ARB2A: variants seen among roughly 807,000 people sequenced by gnomAD.
ARB2A encodes cotranscriptional regulator ARB2A.
chr5:93,656,945 C>T, the ARB2A span, among the ~76,000 whole-genome samples: 14 of 152,158 alleles, frequency 9.2e-5, no homozygotes, highest in South Asian at 4.1e-4. Context: ...GCTGTCCTCA[C>T]TCCCCACCAG....
At chr5:94,056,385 C>G in the ARB2A span, among the ~76,000 whole-genome samples, 2 of 152,072 alleles carry the variant, frequency 1.3e-5, no homozygotes, top group Non-Finnish European at 2.9e-5. Context: ...CAGAAAGGAA[C>G]TGTCAGAAAT....
the ARB2A span, among the ~76,000 whole-genome samples, chr5:93,838,401 G>A: frequency 1.3e-5 from 2 of 152,064 alleles, no homozygotes; most frequent in Non-Finnish European, 2.9e-5. Context: ...GGTTACTATA[G>A]CCTTGCAGTA....
chr5:94,009,049 T>G, the ARB2A span, among the ~76,000 whole-genome samples: 1 of 152,144 alleles, frequency 6.6e-6, no homozygotes, highest in Non-Finnish European at 1.5e-5. Flanking sequence ...AATAAACTAA[T>G]TTGATTTCTG....
chr5:93,800,488 G>A, the ARB2A span, among the ~76,000 whole-genome samples: 1 of 151,558 alleles, frequency 6.6e-6, no homozygotes, highest in Admixed American at 6.6e-5. Flanking sequence ...GTTCTGGCAT[G>A]TTTAATTAAT....
the ARB2A span, among the ~76,000 whole-genome samples, chr5:93,760,932 G>A: frequency 1.3e-4 from 20 of 152,288 alleles, no homozygotes; most frequent in East Asian, 1.3e-3. Flanking sequence ...GCTTTTGTAC[G>A]GCAAAAGGAA....
the ARB2A span, among the ~76,000 whole-genome samples, chr5:93,793,796 G>C: frequency 2.0e-5 from 3 of 152,274 alleles, no homozygotes; most frequent in Admixed American, 1.3e-4. Context: ...AATGAGGCAA[G>C]AATGAACAGA....
the ARB2A span, among the ~76,000 whole-genome samples, chr5:94,081,972 C>A: frequency 6.6e-6 from 1 of 152,170 alleles, no homozygotes; most frequent in Non-Finnish European, 1.5e-5. Context: ...GAACTTCTCT[C>A]TTGTAATGTC....
chr5:94,089,405 A>G, the ARB2A span, among the ~76,000 whole-genome samples: 1 of 152,120 alleles, frequency 6.6e-6, no homozygotes. Flanking sequence ...CCTTTGAAAT[A>G]TTATCCACTC....
chr5:93,689,607 G>C, the ARB2A span, among the ~76,000 whole-genome samples: 1 of 152,080 alleles, frequency 6.6e-6, no homozygotes, highest in Non-Finnish European at 1.5e-5. Flanking sequence ...CAGCAGAAAT[G>C]GGTCAGAAAT....
the ARB2A span, among the ~76,000 whole-genome samples, chr5:93,702,697 C>T: frequency 1.3e-5 from 2 of 152,136 alleles, no homozygotes; most frequent in Admixed American, 6.5e-5. Context: ...ATTCTCTTAA[C>T]TCTCAGTCCA....
the ARB2A span, among the ~76,000 whole-genome samples, chr5:93,984,626 T>C: frequency 6.6e-6 from 1 of 152,198 alleles, no homozygotes; most frequent in Non-Finnish European, 1.5e-5. Context: ...CTGAAGTTTT[T>C]ACTGACTTTG....
the ARB2A span, among the ~76,000 whole-genome samples, chr5:93,926,201 C>T: frequency 1.3e-5 from 2 of 151,822 alleles, no homozygotes; most frequent in Admixed American, 1.3e-4. Context: ...GCGATCTCGG[C>T]TCACCGCAAC....
At chr5:93,708,533 A>G in the ARB2A span, among the ~76,000 whole-genome samples, 1 of 152,180 alleles carries the variant, frequency 6.6e-6, no homozygotes, top group Non-Finnish European at 1.5e-5. Context: ...TAAGAAGCTC[A>G]ACCTAGATCC....
the ARB2A span, among the ~76,000 whole-genome samples, chr5:93,748,948 C>T: frequency 3.3e-5 from 5 of 152,008 alleles, no homozygotes; most frequent in Admixed American, 2.6e-4. Flanking sequence ...GGCAAAATGT[C>T]ATAATCTTAA....
the ARB2A span, among the ~76,000 whole-genome samples, chr5:93,814,586 C>A: frequency 6.6e-6 from 1 of 152,144 alleles, no homozygotes; most frequent in Non-Finnish European, 1.5e-5. Context: ...ATACTGTGGA[C>A]CTTAACATAA....
At chr5:93,666,556 G>C in the ARB2A span, among the ~76,000 whole-genome samples, 4 of 147,946 alleles carry the variant, frequency 2.7e-5, no homozygotes, top group Non-Finnish European at 5.9e-5. Flanking sequence ...ACTTGTCCTG[G>C]TCCATTTAAC....
the ARB2A span, among the ~76,000 whole-genome samples, chr5:93,642,628 G>A: frequency 6.6e-6 from 1 of 152,058 alleles, no homozygotes; most frequent in Non-Finnish European, 1.5e-5. Flanking sequence ...CCCGCCTTGG[G>A]ATCCCAAAGT....
chr5:94,082,210 A>T, the ARB2A span, among the ~76,000 whole-genome samples: 2 of 152,168 alleles, frequency 1.3e-5, no homozygotes, highest in Non-Finnish European at 2.9e-5. Context: ...ACAAATTCCA[A>T]TGAAAACCTG....
chr5:94,059,481 T>C, the ARB2A span, among the ~76,000 whole-genome samples: 2 of 151,132 alleles, frequency 1.3e-5, no homozygotes, highest in African/African-American at 4.9e-5. Context: ...ATTAGCTGGG[T>C]GTGGTGGCAC....
Sources: allele counts gnomAD v4.1 joint callset (sites outside exome capture counted in the v4.1 genomes callset), GRCh38; gene constraint gnomAD v4.1.1; transcripts MANE v1.5; gene names NCBI Gene and HGNC (gene_info 2026-07-23, HGNC 2026-07-21).